The following CHD9 variants were observed in gnomAD, a reference collection of about 807,000 sequenced individuals.
The protein encoded by CHD9 is ATP-dependent chromatin remodeler CHD9.
In CHD9, 77 loss-of-function variants were observed where a neutral mutation model predicts 316.1. The ratio of observed to expected loss-of-function variants is 0.24; its 90% confidence interval spans 0.20 to 0.29. The LOEUF (loss-of-function observed/expected upper bound fraction) is 0.29. Among genes scored for constraint, CHD9 ranks in the 10% least tolerant of loss-of-function variants. CHD9 has a pLI of 1.00. For missense variants in CHD9, 2,763 were observed against 3,438.1 expected, an observed-to-expected ratio of 0.80 and a Z score of 4.91; for synonymous variants, 1,129 against 1,158.3, an observed-to-expected ratio of 0.97 and a Z score of 0.51.
intron 36 of CHD9, among the ~76,000 whole-genome samples, chr16:53,317,163 C>CAAAAAAAAAAAAAAAAAAA (rs537619212): frequency 1.2e-5 from 1 of 81,764 alleles, no homozygotes; most frequent in Non-Finnish European, 2.4e-5. Context: ...AACTCCATCT[C>CAAAAAAAAAAAAAAAAAAA]AAAAAAAAAA....
chr16:53,262,032 T>C (rs2051187742), intron 19 of CHD9, among the ~76,000 whole-genome samples: 1 of 152,216 alleles, frequency 6.6e-6, no homozygotes, highest in Non-Finnish European at 1.5e-5. Context: ...ATCAAGACTT[T>C]TTCTTTAATT....
At chr16:53,079,733 A>G (rs1162377848) in intron 1 of CHD9, among the ~76,000 whole-genome samples, 1 of 152,134 alleles carries the variant, frequency 6.6e-6, no homozygotes, top group East Asian at 1.9e-4. Flanking sequence ...ACTAAGCTCT[A>G]TGAAAACTCT....
chr16:53,094,563 C>A (rs1432201913), intron 1 of CHD9, among the ~76,000 whole-genome samples: 3 of 152,110 alleles, frequency 2.0e-5, no homozygotes, highest in African/African-American at 7.2e-5. Context: ...ACACACCCTG[C>A]TTTATTTCCC....
Position 53,155,914 on chromosome 16 carries a change from C to A in CHD9, c.-164-12C>A. On this transcript the variant is annotated splice_polypyrimidine_tract_variant and intron_variant, in intron 1 of 38. Transcript: ENST00000447540. ...TAATTTCTCTTTATTGTTTTTGTTCCTTTTTTTCTAGGATTTTGACACTTC... is the reference window on the plus strand; with the variant it reads ...TAATTTCTCTTTATTGTTTTTGTTCATTTTTTTCTAGGATTTTGACACTTC... 1 of 595,640 alleles carries A rather than the reference C, an allele frequency of 1.7e-6. No individual in the cohort carries two copies. The highest frequency in any genetic ancestry group is 2.8e-6 in the Non-Finnish European group (1 of 353,046). The allele number at this position is 595,640 out of a possible 1,614,324, so 36.9% of individuals were successfully genotyped here. A position where few individuals can be genotyped will look rare whatever the true frequency, so the allele number is the denominator to read the frequency against.
At chr16:53,310,251 C>T (rs563233221) in intron 34 of CHD9, among the ~76,000 whole-genome samples, 3 of 152,234 alleles carry the variant, frequency 2.0e-5, no homozygotes, top group African/African-American at 7.2e-5. Flanking sequence ...GAATAAATCC[C>T]CCAAATTATG....
At chr16:53,137,038 A>T (rs1362402696) in intron 1 of CHD9, among the ~76,000 whole-genome samples, 1 of 151,796 alleles carries the variant, frequency 6.6e-6, no homozygotes, top group Non-Finnish European at 1.5e-5. Context: ...CAGTGGTGCA[A>T]TCTCGGCTCA....
At chr16:53,173,387 A>C (rs2042900938) in intron 2 of CHD9, among the ~76,000 whole-genome samples, 1 of 152,096 alleles carries the variant, frequency 6.6e-6, no homozygotes, top group Non-Finnish European at 1.5e-5. Flanking sequence ...CATTTCTGAT[A>C]ATGGTAATTA....
rs1230514165 is a variant in CHD9 at position 53,157,438 on chromosome 16, A to T, written c.1349A>T (p.Asp450Val). ...TCGCATCTGGTAACACGGCCTTCTGATATGGCTCAGACTCAGTTGCAAAGT... is the reference window on the plus strand; with the variant it reads ...TCGCATCTGGTAACACGGCCTTCTGTTATGGCTCAGACTCAGTTGCAAAGT... ...FTSHLVTRPS[D>V]MAQTQLQSQA... The change falls in exon 2 of 39, where the codon GAT becomes GTT. Residue 450 changes from aspartate to valine, a missense_variant. Coordinates refer to ENST00000447540, the MANE Select transcript of CHD9 (RefSeq NM_001308319.2). 6.2e-7 allele frequency: 1 copy of T among 1,613,868 alleles called. No homozygotes were observed. The highest frequency in any genetic ancestry group is 8.5e-7 in the Non-Finnish European group (1 of 1,179,894).
intron 2 of CHD9, among the ~76,000 whole-genome samples, chr16:53,177,209 G>C (rs1318359402): frequency 1.3e-5 from 2 of 152,100 alleles, no homozygotes; most frequent in African/African-American, 4.8e-5. Flanking sequence ...GCCTGCTTTG[G>C]CCTCCTAAAG....
At chr16:53,214,585 G>A (rs1038561192) in intron 3 of CHD9, among the ~76,000 whole-genome samples, 1 of 152,014 alleles carries the variant, frequency 6.6e-6, no homozygotes, top group Non-Finnish European at 1.5e-5. Context: ...TTTACTGCTT[G>A]CATGTAAATT....
intron 16 of CHD9, 58 bp from the exon 17 acceptor site, chr16:53,249,813 A>T: frequency 7.5e-7 from 1 of 1,325,594 alleles, no homozygotes; most frequent in Non-Finnish European, 1.1e-6. Flanking sequence ...ATTTGATAGA[A>T]TATGTCTTCA....
chr16:53,103,510 T>C (rs2037070515), intron 1 of CHD9, among the ~76,000 whole-genome samples: 1 of 152,214 alleles, frequency 6.6e-6, no homozygotes, highest in South Asian at 2.1e-4. Context: ...TGCCCAGCAC[T>C]TTATATATGC....
In CHD9 at chr16:53,307,685, G is replaced by A. The variant is rs976888579; in HGVS notation, c.6785G>A (p.Arg2262His). ...MLAASYWPKD[R>H]VMINRLDSIC... ...TGATGTTGCACGCTTTTCTAGGATC[G>A]TGTGATGATCAATAGGTTGGACAGT... The change falls in exon 33 of 39, where the codon CGT becomes CAT. Residue 2262 changes from arginine to histidine, a missense_variant. This residue lies in a region of CHD9 where 663 missense variants were observed against 751.2 expected (regional missense o/e 0.88). Transcript: ENST00000447540. 4.4e-6 allele frequency: 7 copies of A among 1,603,962 alleles called. No homozygotes were observed. Among genetic ancestry groups the A allele is most frequent in the South Asian group, 1.1e-5 (1 of 89,370 alleles).
chr16:53,277,837 T>C (rs2053008497), intron 24 of CHD9, among the ~76,000 whole-genome samples: 2 of 152,124 alleles, frequency 1.3e-5, no homozygotes, highest in East Asian at 1.9e-4. Flanking sequence ...GCTGATGATA[T>C]GATTGTATAC....
rs150434645 is a variant in CHD9, at chr16:53,254,598, T to G, written c.4022T>G (p.Val1341Gly). Residue 1341 changes from valine to glycine, a missense_variant, in exon 18 of 39, where the codon GTT becomes GGT. Physicochemically the swap from Val to Gly is moderately radical, Grantham distance 109. Coordinates refer to ENST00000447540, the MANE Select transcript of CHD9 (RefSeq NM_001308319.2). ...LQSMSGRESN[V>G]GGIQQLSKKE... ...AGCATGAGTGGAAGAGAAAGTAATG[T>G]TGGTGGTGTATGTATAGTTTCTTTT... 7.9e-4 allele frequency: 1,259 copies of G among 1,603,582 alleles called. 3 individuals carry two copies. Among genetic ancestry groups the G allele is most frequent in the Non-Finnish European group, 1.0e-3 (1,180 of 1,173,288 alleles).
rs1361043895 is a variant in CHD9, at chr16:53,146,413, G to GTATATATATATATATATATATATATA, written c.-164-9512_-164-9511insATATATATATATATATATATATATAT. ...CTCAAAAAAAAAAAATTGTGTGTGTGTGTATGTATATATATATATATATAA... is the reference window on the plus strand; with the variant it reads ...CTCAAAAAAAAAAAATTGTGTGTGTGTATATATATATATATATATATATATATGTATGTATATATATATATATATAA... On this transcript the variant is annotated intron_variant, in intron 1 of 38. Transcript: ENST00000447540. 4.7e-3 allele frequency among the ~76,000 whole-genome samples: 114 copies of GTATATATATATATATATATATATATA among 24,392 alleles called. 3 individuals carry two copies. Among genetic ancestry groups the GTATATATATATATATATATATATATA allele is most frequent in the Middle Eastern group, 0.013 (1 of 78 alleles). The allele number at this position is 24,392 out of a possible 152,430, so 16.0% of individuals were successfully genotyped here. A position where few individuals can be genotyped will look rare whatever the true frequency, so the allele number is the denominator to read the frequency against.
intron 1 of CHD9, among the ~76,000 whole-genome samples, chr16:53,108,601 G>T (rs139232431): frequency 6.6e-6 from 1 of 151,824 alleles, no homozygotes; most frequent in African/African-American, 2.4e-5. Context: ...GGGGCCGGGC[G>T]CGGTGGCTCA....
At chr16:53,172,034 A>G (rs1342145015) in intron 2 of CHD9, among the ~76,000 whole-genome samples, 1 of 152,178 alleles carries the variant, frequency 6.6e-6, no homozygotes, top group Non-Finnish European at 1.5e-5. Flanking sequence ...AGCTTTATGG[A>G]GATAAAATGG....
At position 53,324,136 on chromosome 16, in the gene CHD9, A is replaced by T. The variant is rs1378908463; in HGVS notation, c.7935A>T (p.Ala2645=). Residue 2645 remains alanine, a synonymous_variant, in exon 39 of 39, where the codon GCA becomes GCT. Coordinates refer to ENST00000447540, the MANE Select transcript of CHD9 (RefSeq NM_001308319.2). ...KSGIAKATAA[A]AAASATSVSG... is the part of the protein sequence containing the mutation. The stretch of plus-strand genomic sequence containing the variant: ...GAATTGCAAAGGCCACAGCAGCAGC[A>T]GCTGCTGCATCTGCCACCAGTGTTT... 3.7e-6 allele frequency: 6 copies of T among 1,613,708 alleles called. No homozygotes were observed. The highest frequency in any genetic ancestry group is 5.1e-6 in the Non-Finnish European group (6 of 1,179,716).
Sources: gnomAD v4.1 joint callset for allele counts (sites outside exome capture counted in the v4.1 genomes callset) on GRCh38, gnomAD v4.1.1 for gene constraint, gnomAD v4.1.1 regional missense constraint, MANE v1.5 for transcripts, NCBI Gene and HGNC (gene_info 2026-07-23, HGNC 2026-07-21) for gene names.